The following ST18 variants were observed in gnomAD, a reference collection of about 807,000 sequenced individuals.
The protein encoded by ST18 is suppression of tumorigenicity 18 protein.
In ST18, 50 loss-of-function variants were observed where a neutral mutation model predicts 110.0. The observed-to-expected ratio is 0.45, with a 90% CI of 0.36 to 0.58. The LOEUF (loss-of-function observed/expected upper bound fraction) is 0.58. Among genes scored for constraint, ST18 ranks in the 20% least tolerant of loss-of-function variants. The probability of loss-of-function intolerance (pLI) is 0.00; values close to 1 mark genes in which losing one functional copy is unlikely to be tolerated. For synonymous variants in ST18, 461 were observed against 452.4 expected (o/e 1.02, Z -0.24); for missense variants, 1,306 against 1,280.1 (o/e 1.02, Z -0.31).
At chr8:52,398,130 G>A (rs991948971) in intron 2 of ST18, among the ~76,000 whole-genome samples, 5 of 151,970 alleles carry the variant, frequency 3.3e-5, no homozygotes, top group Non-Finnish European at 7.4e-5. Context: ...ACAGTTTTCA[G>A]CATACAAATC....
rs1563702326 is a variant in ST18 at position 52,149,974 on chromosome 8, C to T, written c.1810G>A (p.Ala604Thr). 5.0e-6 allele frequency: 8 copies of T among 1,613,126 alleles called. No individual in the cohort carries two copies. The highest frequency in any genetic ancestry group is 4.5e-5 in the East Asian group (2 of 44,884). The change falls in exon 16 of 26, where the codon GCC becomes ACC. Residue 604 changes from alanine to threonine, a missense_variant. Transcript: ENST00000689386. ...NKPQSLHAKG[A>T]EIEVDENGTL... ...CCATTTTCATCCACTTCTATTTCGG[C>T]TCCCTGGTATACAATAGGAAACAGA... is the stretch of plus-strand genomic sequence containing the variant.
At chr8:52,314,604 C>T (rs1009743872) in intron 2 of ST18, among the ~76,000 whole-genome samples, 3 of 152,210 alleles carry the variant, frequency 2.0e-5, no homozygotes, top group South Asian at 2.1e-4. Flanking sequence ...TTCTCCTCTC[C>T]GTTTTGCTGA....
chr8:52,126,799 A>C (rs1342513105), intron 22 of ST18, among the ~76,000 whole-genome samples: 2 of 152,220 alleles, frequency 1.3e-5, no homozygotes, highest in Non-Finnish European at 2.9e-5. Context: ...AGTCTATTAC[A>C]TTGCAGTGGT....
At chr8:52,383,710 G>A (rs989669074) in intron 2 of ST18, among the ~76,000 whole-genome samples, 4 of 152,000 alleles carry the variant, frequency 2.6e-5, no homozygotes, top group Non-Finnish European at 4.4e-5. Flanking sequence ...GCTTCCCAAA[G>A]TGCTGGGATT....
At chr8:52,347,294 A>G (rs1030695336) in intron 2 of ST18, among the ~76,000 whole-genome samples, 3 of 152,256 alleles carry the variant, frequency 2.0e-5, no homozygotes, top group African/African-American at 7.2e-5. Flanking sequence ...TTGTGACTAC[A>G]AGATGGAATG....
intron 23 of ST18, among the ~76,000 whole-genome samples, chr8:52,121,143 A>G (rs975502875): frequency 2.0e-5 from 3 of 152,180 alleles, no homozygotes; most frequent in African/African-American, 7.2e-5. Context: ...GGATTTCGTT[A>G]GGATTATGTT....
In ST18 at chr8:52,172,403, C is replaced by G; in HGVS notation, c.458G>C (p.Gly153Ala). ...GCTCTCTGCTTTTAAAGACTGGATG[C>G]CACTGTCATTTAAATTTTCACTTAC... ...QTVSENLNDS[G>A]IQSLKAESDE... Residue 153 changes from glycine (G) to alanine (A), a missense_variant, in exon 10 of 26, where the codon GGC becomes GCC. Gly to Ala is a moderately conservative substitution (Grantham distance 60). Transcript: ENST00000689386. 6.2e-7 allele frequency: 1 copy of G among 1,613,976 alleles called. No individual in the cohort carries two copies. The highest frequency in any genetic ancestry group is 8.5e-7 in the Non-Finnish European group (1 of 1,180,012).
intron 2 of ST18, among the ~76,000 whole-genome samples, chr8:52,341,668 G>T (rs1815085957): frequency 6.6e-6 from 1 of 152,332 alleles, no homozygotes; most frequent in East Asian, 1.9e-4. Context: ...TCTGTGGTCA[G>T]AATTTTGCTA....
intron 6 of ST18, among the ~76,000 whole-genome samples, chr8:52,216,826 A>G (rs2084431185): frequency 6.6e-6 from 1 of 152,206 alleles, no homozygotes; most frequent in African/African-American, 2.4e-5. Flanking sequence ...CAGGCCTCAT[A>G]TTCAATGAGT....
intron 2 of ST18, among the ~76,000 whole-genome samples, chr8:52,249,034 A>G (rs910402107): frequency 6.6e-6 from 1 of 152,152 alleles, no homozygotes; most frequent in Non-Finnish European, 1.5e-5. Flanking sequence ...TACATTTGAA[A>G]GTTTTCAAAC....
chr8:52,220,068 G>T (rs1300921959), intron 5 of ST18, among the ~76,000 whole-genome samples: 2 of 152,078 alleles, frequency 1.3e-5, no homozygotes, highest in East Asian at 3.9e-4. Context: ...GACATTAGGG[G>T]GCAATCTCCA....
At chr8:52,273,817 T>C (rs1294513815) in intron 2 of ST18, among the ~76,000 whole-genome samples, 1 of 152,170 alleles carries the variant, frequency 6.6e-6, no homozygotes, top group Non-Finnish European at 1.5e-5. Context: ...TATCAGAAAA[T>C]AAACATAATC....
At chr8:52,290,914 C>T (rs1186504121) in intron 2 of ST18, among the ~76,000 whole-genome samples, 2 of 152,212 alleles carry the variant, frequency 1.3e-5, no homozygotes, top group African/African-American at 2.4e-5. Flanking sequence ...ATCGTTCCCC[C>T]GGTGAACACC....
chr8:52,265,039 G>A (rs1464853588), intron 2 of ST18, among the ~76,000 whole-genome samples: 1 of 152,226 alleles, frequency 6.6e-6, no homozygotes, highest in African/African-American at 2.4e-5. Context: ...TGATGGCTGT[G>A]CGTGAAATAA....
At chr8:52,313,736 C>A (rs1443620850) in intron 2 of ST18, among the ~76,000 whole-genome samples, 1 of 152,070 alleles carries the variant, frequency 6.6e-6, no homozygotes, top group African/African-American at 2.4e-5. Flanking sequence ...AGCACTGAGA[C>A]CAGCAGAGGC....
chr8:52,380,597 A>G (rs1834160834), intron 2 of ST18, among the ~76,000 whole-genome samples: 1 of 152,130 alleles, frequency 6.6e-6, no homozygotes, highest in South Asian at 2.1e-4. Flanking sequence ...TGTGTAAAAC[A>G]TTAGAGGCAA....
chr8:52,152,831 A>C (rs1193294825), intron 15 of ST18, among the ~76,000 whole-genome samples: 2 of 152,226 alleles, frequency 1.3e-5, no homozygotes, highest in Non-Finnish European at 2.9e-5. Flanking sequence ...CCAACAGAGA[A>C]ATACTTAATG....
chr8:52,177,985 A>G (rs1587827347), intron 9 of ST18, among the ~76,000 whole-genome samples: 1 of 152,224 alleles, frequency 6.6e-6, no homozygotes, highest in African/African-American at 2.4e-5. Context: ...AGTGGTTCTA[A>G]TATGAAATAT....
chr8:52,387,951 T>G (rs1837519015), intron 2 of ST18, among the ~76,000 whole-genome samples: 1 of 146,280 alleles, frequency 6.8e-6, no homozygotes, highest in East Asian at 2.1e-4. Flanking sequence ...GCCAGCACCC[T>G]CCCCACCCCC....
Sources: gnomAD v4.1 joint callset for allele counts (sites outside exome capture counted in the v4.1 genomes callset) on GRCh38, gnomAD v4.1.1 for gene constraint, MANE v1.5 for transcripts, NCBI Gene and HGNC (gene_info 2026-07-23, HGNC 2026-07-21) for gene names.